RAB11FIP4: variants seen among roughly 807,000 people sequenced by gnomAD.
The protein encoded by RAB11FIP4 is rab11 family-interacting protein 4.
In RAB11FIP4, 23 loss-of-function variants were observed where a neutral mutation model predicts 74.3. The ratio of observed to expected loss-of-function variants is 0.31; its 90% CI spans 0.22 to 0.44. The LOEUF (loss-of-function observed/expected upper bound fraction) is 0.44. Among genes scored for constraint, RAB11FIP4 ranks in the 20% least tolerant of loss-of-function variants. The pLI is 1.00. For synonymous variants in RAB11FIP4, 360 were observed against 359.9 expected, an observed-to-expected ratio of 1.00 and a Z score of 0.00; for missense variants, 630 against 863.9, an observed-to-expected ratio of 0.73 and a Z score of 3.39.
intron 3 of RAB11FIP4, among the ~76,000 whole-genome samples, chr17:31,453,303 A>G (rs2071542949): frequency 6.9e-6 from 1 of 145,288 alleles, no homozygotes; most frequent in Admixed American, 7.3e-5. Flanking sequence ...GTGAGCTATT[A>G]TATTATCACA....
In RAB11FIP4 at chr17:31,512,975, C is replaced by T. The variant is rs1038016062; in HGVS notation, c.337-4676C>T. Reference sequence around the variant, plus strand: ...AACATGAGCTCTGGGGAGGCCCTGTCCCTGCCCCACCACTCCTGCCAGCCC... The same window carrying T: ...AACATGAGCTCTGGGGAGGCCCTGTTCCTGCCCCACCACTCCTGCCAGCCC... On this transcript the variant is annotated intron_variant, in intron 3 of 14. Coordinates refer to ENST00000621161, the MANE Select transcript of RAB11FIP4 (RefSeq NM_032932.6). This position sits in a 1 kb window ranked among gnomAD's most constrained non-coding sequence, Gnocchi z 4.1. Among the ~76,000 whole-genome samples, 2 of 152,126 alleles carry T rather than the reference C, an allele frequency of 1.3e-5. No homozygotes were observed. Among genetic ancestry groups the T allele is most frequent in the South Asian group, 4.2e-4 (2 of 4,814 alleles).
chr17:31,438,268 G>A (rs2071378317), intron 3 of RAB11FIP4, among the ~76,000 whole-genome samples: 1 of 152,106 alleles, frequency 6.6e-6, no homozygotes, highest in East Asian at 1.9e-4. Context: ...ATAGTTGCTA[G>A]GGGCCCGTGG....
chr17:31,461,473 G>A (rs563547030), intron 3 of RAB11FIP4, among the ~76,000 whole-genome samples: 38 of 152,286 alleles, frequency 2.5e-4, no homozygotes, highest in Admixed American at 1.8e-3. Context: ...ATATCCCAGC[G>A]CCCCTCTGGA....
At chr17:31,400,887 C>T (rs1308533985) in intron 1 of RAB11FIP4, among the ~76,000 whole-genome samples, 1 of 152,206 alleles carries the variant, frequency 6.6e-6, no homozygotes, top group African/African-American at 2.4e-5. Flanking sequence ...TTCTCCCTTT[C>T]CTTCTACCCT....
chr17:31,478,167 A>G (rs1308092076), intron 3 of RAB11FIP4, among the ~76,000 whole-genome samples: 9 of 151,652 alleles, frequency 5.9e-5, no homozygotes, highest in Admixed American at 5.3e-4. Flanking sequence ...TAATTTTTGT[A>G]TTTTTAGTAG....
At chr17:31,505,680 TATA>T (rs1339176348) in intron 3 of RAB11FIP4, among the ~76,000 whole-genome samples, 1 of 77,380 alleles carries the variant, frequency 1.3e-5, no homozygotes, top group Non-Finnish European at 2.9e-5. Context: ...ACATAATTAT[TATA>T]ATATATAATA....
intron 3 of RAB11FIP4, among the ~76,000 whole-genome samples, chr17:31,484,362 C>T (rs950284204): frequency 5.3e-5 from 8 of 151,608 alleles, no homozygotes; most frequent in African/African-American, 1.7e-4. Context: ...TGAGCCACTG[C>T]GCCGGGCCTG....
At chr17:31,531,041 A>G (rs1299733150) in intron 14 of RAB11FIP4, 9 of 157,806 alleles carry the variant, frequency 5.7e-5, no homozygotes, top group African/African-American at 2.2e-4. Flanking sequence ...CCCCGGCTGC[A>G]TTGTAACATG....
At chr17:31,418,869 A>G (rs2071172774) in intron 1 of RAB11FIP4, among the ~76,000 whole-genome samples, 1 of 152,154 alleles carries the variant, frequency 6.6e-6, no homozygotes, top group Non-Finnish European at 1.5e-5. Flanking sequence ...CACTATTTAC[A>G]TAGACTCCTG....
At position 31,527,873 on chromosome 17, in the gene RAB11FIP4, C is replaced by A. The variant is rs1417862471; in HGVS notation, c.1306C>A (p.Leu436Ile). 1.2e-6 allele frequency: 2 copies of A among 1,606,998 alleles called. No individual in the cohort carries two copies. Among genetic ancestry groups the A allele is most frequent in the Admixed American group, 1.7e-5 (1 of 58,866 alleles). The change falls in exon 11 of 15, where the codon CTT becomes ATT. Residue 436 changes from leucine to isoleucine, a missense_variant. Coordinates refer to ENST00000621161, the MANE Select transcript of RAB11FIP4 (RefSeq NM_032932.6). ...VQQLEEENTE[L>I]RTTVTRLKSQ... ...GCAGTTGGAGGAAGAAAATACAGAG[C>A]TTAGAACAACAGTGACTCGGCTCAA...
Position 31,421,996 on chromosome 17 carries a change from A to G in RAB11FIP4, c.160-9817A>G, listed in dbSNP as rs1462539750. 3.9e-5 allele frequency among the ~76,000 whole-genome samples: 6 copies of G among 152,126 alleles called. No individual in the cohort carries two copies. The East Asian group carries it at 1.2e-3, about 30-fold the overall frequency. ...GGAGTTCGAGACCAGCCTGGGCAAC[A>G]TAGTGAGACCCCCCGTCTCTACAAG... is the stretch of plus-strand genomic sequence containing the variant. On this transcript the variant is annotated intron_variant, in intron 1 of 14. Transcript: ENST00000621161.
intron 13 of RAB11FIP4, among the ~76,000 whole-genome samples, chr17:31,529,852 A>T (rs1363883496): frequency 6.6e-6 from 1 of 152,146 alleles, no homozygotes; most frequent in Non-Finnish European, 1.5e-5. Context: ...CTTTAGGCAA[A>T]AGCTGGAGTG....
At chr17:31,457,901 C>T (rs892669333) in intron 3 of RAB11FIP4, among the ~76,000 whole-genome samples, 7 of 152,186 alleles carry the variant, frequency 4.6e-5, no homozygotes, top group Admixed American at 2.0e-4. Flanking sequence ...CACCCCATCT[C>T]TCTCTGTCCT....
rs567467421 is a variant in RAB11FIP4 at position 31,537,513 on chromosome 17, C to T, written c.*5781C>T. 27 of 281,710 alleles carry T rather than the reference C, an allele frequency of 9.6e-5. No homozygotes were observed. Among genetic ancestry groups the T allele is most frequent in the African/African-American group, 1.3e-4 (6 of 46,286 alleles). The allele number at this position is 281,710 out of a possible 1,614,324, so 17.5% of individuals were successfully genotyped here. On this transcript the variant is annotated 3_prime_UTR_variant, in exon 15 of 15. Transcript: ENST00000621161. ...GCTTTCCCTGCATTGTTAGTGATGT[C>T]GGGCAAAGCATCACTCTTTAACCTG...
rs767730781 is a variant in RAB11FIP4, at chr17:31,531,700, C to T, written c.1882C>T (p.His628Tyr). The change falls in exon 15 of 15, where the codon CAC (histidine) becomes TAC (tyrosine). Residue 628 changes from histidine to tyrosine, a missense_variant. By Grantham distance (83) the His-to-Tyr change is moderately conservative. Coordinates refer to ENST00000621161, the MANE Select transcript of RAB11FIP4 (RefSeq NM_032932.6). ...MDKIILAILD[H>Y]NPSILEIKH Reference sequence around the variant, plus strand: ...CAAGATTATCCTCGCCATCCTGGACCACAATCCCTCCATCCTCGAGATCAA... The same window carrying T: ...CAAGATTATCCTCGCCATCCTGGACTACAATCCCTCCATCCTCGAGATCAA... The T allele has an allele frequency of 6.2e-7, 1 of 1,613,820 alleles. No individual in the cohort carries two copies. The highest frequency in any genetic ancestry group is 2.2e-5 in the East Asian group (1 of 44,882).
intron 3 of RAB11FIP4, among the ~76,000 whole-genome samples, chr17:31,451,336 G>A (rs1009794226): frequency 6.6e-6 from 1 of 151,688 alleles, no homozygotes; most frequent in Non-Finnish European, 1.5e-5. Flanking sequence ...GCAGGCGCCT[G>A]TAATCCCAGC....
chr17:31,412,793 C>T lies in RAB11FIP4; in HGVS notation c.160-19020C>T, dbSNP rs966824930. ...TCCTCTGCCAGGGCTACAGGCTGCACCTCCCCTGGGATCCAAGTGGGGTTT... is the reference window on the plus strand; with the variant it reads ...TCCTCTGCCAGGGCTACAGGCTGCATCTCCCCTGGGATCCAAGTGGGGTTT... On this transcript the variant is annotated intron_variant, in intron 1 of 14. Transcript: ENST00000621161. 7.9e-5 allele frequency among the ~76,000 whole-genome samples: 12 copies of T among 152,326 alleles called. No individual in the cohort carries two copies. In the South Asian group the frequency reaches 8.3e-4, roughly 11 times the overall value.
At chr17:31,402,953 T>C (rs2071007213) in intron 1 of RAB11FIP4, among the ~76,000 whole-genome samples, 1 of 152,098 alleles carries the variant, frequency 6.6e-6, no homozygotes, top group Non-Finnish European at 1.5e-5. Context: ...CTTATTATGA[T>C]AGGTGGACCT....
chr17:31,454,608 C>T lies in RAB11FIP4; in HGVS notation c.336+20486C>T, dbSNP rs144005620. Among the ~76,000 whole-genome samples the T allele has an allele frequency of 4.5e-3, 675 of 151,494 alleles. 3 individuals carry two copies. Among genetic ancestry groups the T allele is most frequent in the South Asian group, 0.011 (50 of 4,680 alleles). On this transcript the variant is annotated intron_variant, in intron 3 of 14. Transcript: ENST00000621161. ...TTCTTAAGATGGAAACTCAGTCAGG[C>T]GGCCATGGCTCATGCCTGTAATCCC...
Sources: allele counts gnomAD v4.1 joint callset (sites outside exome capture counted in the v4.1 genomes callset), GRCh38; gene constraint gnomAD v4.1.1; non-coding constraint Gnocchi (gnomAD v3.1); transcripts MANE v1.5; gene names NCBI Gene and HGNC (gene_info 2026-07-23, HGNC 2026-07-21).